Variants in UBE2D3 observed in about 807,000 individuals in gnomAD.
UBE2D3 encodes ubiquitin-conjugating enzyme E2 D3.
A neutral mutation model predicts 22.8 loss-of-function variants in UBE2D3; 2 were observed. The ratio of observed to expected loss-of-function variants is 0.09; its 90% CI spans 0.04 to 0.28. The LOEUF is 0.28. UBE2D3 is among the 10% of genes least tolerant of loss of function. The pLI, the probability that UBE2D3 is intolerant of heterozygous loss-of-function variation, is 1.00. For missense variants in UBE2D3, 27 were observed against 182.5 expected, an observed-to-expected ratio of 0.15 and a Z score of 4.91; for synonymous variants, 56 against 60.4, an observed-to-expected ratio of 0.93 and a Z score of 0.34.
chr4:102,818,014 G>GC (rs140053089), intron 2 of UBE2D3, among the ~76,000 whole-genome samples: 263 of 152,268 alleles, frequency 1.7e-3, no homozygotes, highest in African/African-American at 6.1e-3. Flanking sequence ...GAGGAACAGT[G>GC]CCAAGAACCA....
chr4:102,853,017 C>T (rs1234105631), intron 1 of UBE2D3, among the ~76,000 whole-genome samples: 3 of 151,804 alleles, frequency 2.0e-5, no homozygotes, highest in Admixed American at 2.0e-4. Context: ...AGTCCCAAAT[C>T]CAACAGTTTG....
intron 2 of UBE2D3, chr4:102,825,574 A>C: frequency 8.3e-7 from 1 of 1,200,346 alleles, no homozygotes. Context: ...AAATGAGACT[A>C]AACCACCGGA....
At chr4:102,849,629 A>T (rs1732239534) in intron 1 of UBE2D3, among the ~76,000 whole-genome samples, 1 of 152,176 alleles carries the variant, frequency 6.6e-6, no homozygotes, top group South Asian at 2.1e-4. Flanking sequence ...TCTGAAGGCC[A>T]TTTTTGTGAA....
intron 2 of UBE2D3, among the ~76,000 whole-genome samples, chr4:102,817,624 C>T (rs188019047): frequency 3.3e-4 from 51 of 152,310 alleles, no homozygotes; most frequent in Admixed American, 9.8e-4. Context: ...GAAAAAAATT[C>T]TCAACTGCAC....
chr4:102,825,284 A>G (rs149750377), intron 2 of UBE2D3: 3 of 986,314 alleles, frequency 3.0e-6, no homozygotes, highest in Middle Eastern at 5.2e-4. Flanking sequence ...ATTCCATGAC[A>G]TTTTTTTCAA....
intron 1 of UBE2D3, chr4:102,843,313 T>A (rs897620732): frequency 2.6e-5 from 4 of 151,914 alleles, no homozygotes; most frequent in Admixed American, 1.3e-4. Flanking sequence ...TTTTTTTTTT[T>A]ATTTGAAAAG....
At chr4:102,802,147 C>T (rs535672897) in intron 5 of UBE2D3, 1 of 156,194 alleles carries the variant, frequency 6.4e-6, no homozygotes, top group Admixed American at 6.5e-5. Context: ...TAAACCAGTG[C>T]ACTAAGCAAC....
intron 2 of UBE2D3, 126 bp downstream of exon 2, chr4:102,826,359 C>T (rs1013211482): frequency 2.5e-6 from 3 of 1,193,852 alleles, no homozygotes; most frequent in Admixed American, 2.0e-5. Flanking sequence ...GTTCTCCATC[C>T]CCCCATGGAA....
intron 7 of UBE2D3, 80 bp downstream of exon 7, chr4:102,799,327 T>C: frequency 9.3e-7 from 1 of 1,081,042 alleles, no homozygotes; most frequent in Non-Finnish European, 1.4e-6. Context: ...TATCAAGTCT[T>C]CTTGGCACTG....
upstream of UBE2D3, among the ~76,000 whole-genome samples, chr4:102,830,441 G>A (rs2110344446): frequency 6.6e-6 from 1 of 152,242 alleles, no homozygotes; most frequent in African/African-American, 2.4e-5. Context: ...CAAAAATGTT[G>A]AAAATTTAAT....
intron 7 of UBE2D3, among the ~76,000 whole-genome samples, chr4:102,798,295 T>TATATATATATATATATATAC (rs796347600): frequency 6.8e-6 from 1 of 147,952 alleles, no homozygotes; most frequent in Non-Finnish European, 1.5e-5. Context: ...TATATATATA[T>TATATATATATATATATATAC]ATGCACAGGA....
At chr4:102,855,065 G>A (rs1460680742) in intron 1 of UBE2D3, among the ~76,000 whole-genome samples, 1 of 152,170 alleles carries the variant, frequency 6.6e-6, no homozygotes, top group Non-Finnish European at 1.5e-5. Flanking sequence ...CTCCTTCCCT[G>A]CTGCCAGAAT....
intron 1 of UBE2D3, among the ~76,000 whole-genome samples, chr4:102,863,309 C>T (rs971802100): frequency 1.1e-4 from 16 of 151,990 alleles, no homozygotes; most frequent in African/African-American, 3.9e-4. Flanking sequence ...CCTTGGCCTC[C>T]CAAAGTGCCG....
At chr4:102,858,644 T>TA (rs1732738355) in intron 1 of UBE2D3, among the ~76,000 whole-genome samples, 1 of 151,920 alleles carries the variant, frequency 6.6e-6, no homozygotes, top group Non-Finnish European at 1.5e-5. Context: ...TACTATAAAG[T>TA]AATGGTTCTG....
intron 1 of UBE2D3, among the ~76,000 whole-genome samples, chr4:102,864,427 T>C (rs1733052118): frequency 6.6e-6 from 1 of 152,274 alleles, no homozygotes; most frequent in Non-Finnish European, 1.5e-5. Flanking sequence ...AATCAAAGGA[T>C]GTTTAGTGGC....
chr4:102,809,451 G>A (rs1462725684), intron 4 of UBE2D3: 11 of 548,196 alleles, frequency 2.0e-5, no homozygotes, highest in Non-Finnish European at 2.9e-5. Context: ...AGGTCATAGA[G>A]ATGGCTATAC....
upstream of UBE2D3, among the ~76,000 whole-genome samples, chr4:102,831,650 G>C (rs1329388622): frequency 6.6e-6 from 1 of 152,158 alleles, no homozygotes; most frequent in Non-Finnish European, 1.5e-5. Flanking sequence ...GAAAGAGCCA[G>C]ACACAAAAGG....
chr4:102,864,238 C>T (rs1733041713), intron 1 of UBE2D3, among the ~76,000 whole-genome samples: 1 of 151,344 alleles, frequency 6.6e-6, no homozygotes, highest in Non-Finnish European at 1.5e-5. Context: ...CAAGAGTCTA[C>T]AGTCTTAACT....
intron 1 of UBE2D3, among the ~76,000 whole-genome samples, chr4:102,857,913 C>T (rs1469901046): frequency 1.3e-5 from 2 of 151,876 alleles, no homozygotes; most frequent in African/African-American, 4.8e-5. Flanking sequence ...AGGCTGATCT[C>T]GAACTCCTGA....
Sources: gnomAD v4.1 joint callset for allele counts (sites outside exome capture counted in the v4.1 genomes callset) on GRCh38, gnomAD v4.1.1 for gene constraint, MANE v1.5 for transcripts, NCBI Gene and HGNC (gene_info 2026-07-23, HGNC 2026-07-21) for gene names.